Variants in MAP4K4 observed in about 807,000 individuals in gnomAD.
The protein encoded by MAP4K4 is mitogen-activated protein kinase kinase kinase kinase 4.
A neutral mutation model predicts 189.6 loss-of-function variants in MAP4K4; 38 were observed. The observed-to-expected ratio is 0.20, with a 90% CI of 0.15 to 0.26. MAP4K4 has a LOEUF of 0.26. MAP4K4 is among the 10% of genes least tolerant of loss of function. MAP4K4 has a pLI of 1.00. For synonymous variants in MAP4K4, 610 were observed against 624.3 expected (o/e 0.98, Z 0.34); for missense variants, 1,054 against 1,726.9 (o/e 0.61, Z 6.91).
chr2:101,850,928 G>C (rs1003828226), intron 12 of MAP4K4, among the ~76,000 whole-genome samples: 1 of 149,512 alleles, frequency 6.7e-6, no homozygotes, highest in African/African-American at 2.6e-5. Flanking sequence ...TGGTATATCT[G>C]TGTAGTAACA....
chr2:101,715,310 C>T (rs10432624), intron 2 of MAP4K4, among the ~76,000 whole-genome samples: 42,857 of 152,026 alleles, frequency 0.28, 6,800 homozygotes, highest in South Asian at 0.49. Flanking sequence ...CTTCAAAAGG[C>T]CTTGTTTCTA....
At chr2:101,781,219 T>G (rs1416411915) in intron 2 of MAP4K4, among the ~76,000 whole-genome samples, 1 of 152,180 alleles carries the variant, frequency 6.6e-6, no homozygotes, top group Non-Finnish European at 1.5e-5. Flanking sequence ...TCACACTTGA[T>G]GTTGTAGTAG....
Position 101,864,254 on chromosome 2 carries a change from G to T in MAP4K4, c.2097+203G>T, listed in dbSNP as rs144134731. ...AGTGGTCAGTTAGCGTTTTATTTTT[G>T]TTAACCCTAAATAAGGTAGCAAAAT... is the stretch of plus-strand genomic sequence containing the variant. On this transcript the variant is annotated intron_variant, in intron 17 of 32. Transcript: ENST00000324219. 3.9e-5 allele frequency among the ~76,000 whole-genome samples: 6 copies of T among 152,210 alleles called. No homozygotes were observed. The East Asian group carries it at 1.2e-3, about 29-fold the overall frequency.
intron 2 of MAP4K4, among the ~76,000 whole-genome samples, chr2:101,766,213 T>G (rs1048737443): frequency 4.6e-5 from 7 of 152,338 alleles, no homozygotes; most frequent in African/African-American, 1.7e-4. Context: ...GTAGATCTTA[T>G]GAATTTCTGA....
chr2:101,865,666 C>T (rs1204016526), intron 18 of MAP4K4, among the ~76,000 whole-genome samples: 1 of 152,182 alleles, frequency 6.6e-6, no homozygotes. Context: ...AGAACATTTT[C>T]ATCATAACAG....
intron 2 of MAP4K4, among the ~76,000 whole-genome samples, chr2:101,752,520 A>G (rs980425327): frequency 6.6e-6 from 1 of 152,166 alleles, no homozygotes; most frequent in Non-Finnish European, 1.5e-5. Context: ...TCTGCCAATC[A>G]TAGCTAAGCT....
intron 2 of MAP4K4, among the ~76,000 whole-genome samples, chr2:101,706,988 TAA>T (rs2042654536): frequency 6.6e-6 from 1 of 152,172 alleles, no homozygotes; most frequent in African/African-American, 2.4e-5. Flanking sequence ...CCAGACTGTG[TAA>T]GGCAGAGAAA....
intron 3 of MAP4K4, among the ~76,000 whole-genome samples, chr2:101,799,405 TACTC>T (rs2094143563): frequency 6.6e-6 from 1 of 152,108 alleles, no homozygotes. Context: ...CTCAGCCACT[TACTC>T]AAATGATCCA....
At chr2:101,870,653 A>C (rs1043433504) in intron 23 of MAP4K4, 1 of 494,252 alleles carries the variant, frequency 2.0e-6, no homozygotes, top group Admixed American at 3.4e-5. Flanking sequence ...GGCAGCCCTC[A>C]TTCAAGCACC....
intron 2 of MAP4K4, among the ~76,000 whole-genome samples, chr2:101,746,840 T>A (rs1473208652): frequency 6.6e-6 from 1 of 152,104 alleles, no homozygotes; most frequent in Non-Finnish European, 1.5e-5. Context: ...CCTCAACAAG[T>A]TCTTTATAGA....
chr2:101,738,680 T>G (rs559328203), intron 2 of MAP4K4, among the ~76,000 whole-genome samples: 2 of 152,220 alleles, frequency 1.3e-5, no homozygotes, highest in South Asian at 2.1e-4. Context: ...GGACCTTGAC[T>G]CAGGTGTTGC....
intron 2 of MAP4K4, among the ~76,000 whole-genome samples, chr2:101,748,616 G>A (rs1211776076): frequency 3.3e-5 from 5 of 152,110 alleles, no homozygotes; most frequent in Admixed American, 2.0e-4. Flanking sequence ...CGAGACTAGC[G>A]TGAGTGACAT....
intron 2 of MAP4K4, among the ~76,000 whole-genome samples, chr2:101,783,927 C>T (rs976364768): frequency 6.6e-6 from 1 of 152,220 alleles, no homozygotes; most frequent in Admixed American, 6.5e-5. Flanking sequence ...TGTGACACAG[C>T]TTCTAGTCTT....
At chr2:101,795,448 T>C (rs1322578433) in intron 3 of MAP4K4, among the ~76,000 whole-genome samples, 1 of 152,238 alleles carries the variant, frequency 6.6e-6, no homozygotes, top group Non-Finnish European at 1.5e-5. Context: ...ACAGCTGTTA[T>C]TATTACATAA....
intron 3 of MAP4K4, among the ~76,000 whole-genome samples, chr2:101,817,818 G>T (rs1324003282): frequency 6.6e-6 from 1 of 152,114 alleles, no homozygotes; most frequent in African/African-American, 2.4e-5. Flanking sequence ...TGAAGACAGT[G>T]TTTTTTTATT....
chr2:101,834,159 T>G (rs1213194133), intron 7 of MAP4K4, among the ~76,000 whole-genome samples: 1 of 149,466 alleles, frequency 6.7e-6, no homozygotes, highest in Non-Finnish European at 1.5e-5. Context: ...CTTCCTTCCT[T>G]TCCTTCCTTT....
At chr2:101,751,552 T>C (rs2068976292) in intron 2 of MAP4K4, among the ~76,000 whole-genome samples, 2 of 152,208 alleles carry the variant, frequency 1.3e-5, no homozygotes, top group African/African-American at 4.8e-5. Context: ...ACATACTGAA[T>C]ACTAGGCACT....
chr2:101,826,760 A>G (rs771601222), intron 5 of MAP4K4, among the ~76,000 whole-genome samples: 1 of 152,182 alleles, frequency 6.6e-6, no homozygotes, highest in Admixed American at 6.5e-5. Context: ...CTCCTCATCT[A>G]TACATACCAA....
chr2:101,737,420 TTGTGAG>T (rs2149693003), intron 2 of MAP4K4, among the ~76,000 whole-genome samples: 1 of 133,648 alleles, frequency 7.5e-6, no homozygotes, highest in East Asian at 2.2e-4. Context: ...GATTTACCTA[TTGTGAG>T]ATATATATAT....
Sources: allele counts gnomAD v4.1 joint callset (sites outside exome capture counted in the v4.1 genomes callset), GRCh38; gene constraint gnomAD v4.1.1; transcripts MANE v1.5; gene names NCBI Gene and HGNC (gene_info 2026-07-23, HGNC 2026-07-21).